WDR72: variants seen among roughly 807,000 people sequenced by gnomAD.
The protein encoded by WDR72 is WD repeat-containing protein 72.
A neutral mutation model predicts 124.2 loss-of-function variants in WDR72; 120 were observed. The observed-to-expected ratio is 0.97, with a 90% confidence interval of 0.83 to 1.12. WDR72 has a LOEUF of 1.12. Ranked by LOEUF, WDR72 falls within the 50% of genes most tolerant of loss-of-function variation. The pLI is 0.00. For synonymous variants in WDR72, 452 were observed against 441.7 expected (o/e 1.02, Z -0.29); for missense variants, 1,387 against 1,278.8 (o/e 1.08, Z -1.29).
chr15:53,657,352 A>G (rs2015466567), intron 14 of WDR72, among the ~76,000 whole-genome samples: 1 of 151,794 alleles, frequency 6.6e-6, no homozygotes, highest in Admixed American at 6.6e-5. Context: ...TTTTGGATGC[A>G]TAATATATGA....
At chr15:53,674,021 C>T (rs919863662) in intron 13 of WDR72, among the ~76,000 whole-genome samples, 9 of 152,008 alleles carry the variant, frequency 5.9e-5, no homozygotes, top group Non-Finnish European at 1.3e-4. Flanking sequence ...ATATTCATCA[C>T]TAATCACATA....
At chr15:53,661,754 A>C (rs1216961809) in intron 14 of WDR72, among the ~76,000 whole-genome samples, 1 of 152,068 alleles carries the variant, frequency 6.6e-6, no homozygotes, top group African/African-American at 2.4e-5. Flanking sequence ...ACATAACCAA[A>C]ATAGAATTTA....
intron 14 of WDR72, among the ~76,000 whole-genome samples, chr15:53,627,414 G>C (rs1295475024): frequency 1.3e-5 from 2 of 152,238 alleles, no homozygotes; most frequent in East Asian, 3.9e-4. Flanking sequence ...ATTAGACTTG[G>C]ACTGGTTATC....
intron 18 of WDR72, among the ~76,000 whole-genome samples, chr15:53,593,251 T>C (rs1484708345): frequency 1.3e-5 from 2 of 152,056 alleles, no homozygotes; most frequent in Non-Finnish European, 2.9e-5. Flanking sequence ...TCTAAGAAAA[T>C]CACTTAGCAA....
intron 18 of WDR72, among the ~76,000 whole-genome samples, chr15:53,550,383 G>T (rs541292448): frequency 6.6e-6 from 1 of 152,252 alleles, no homozygotes; most frequent in Admixed American, 6.5e-5. Flanking sequence ...CTTATGGTTT[G>T]CAGACCTCTC....
intron 19 of WDR72, among the ~76,000 whole-genome samples, chr15:53,520,096 C>T (rs1283494478): frequency 1.3e-5 from 2 of 149,556 alleles, no homozygotes; most frequent in Non-Finnish European, 3.0e-5. Context: ...TGCTTTCTGC[C>T]TATGAAAATA....
chr15:53,639,697 C>T (rs1019813752), intron 14 of WDR72, among the ~76,000 whole-genome samples: 1 of 151,882 alleles, frequency 6.6e-6, no homozygotes, highest in Admixed American at 6.6e-5. Flanking sequence ...GCCTTATGAT[C>T]TTTGTGATTG....
chr15:53,637,765 T>C (rs1328312016), intron 14 of WDR72, among the ~76,000 whole-genome samples: 1 of 152,178 alleles, frequency 6.6e-6, no homozygotes, highest in African/African-American at 2.4e-5. Context: ...CAGCCCCATA[T>C]TCTCTCTCCC....
intron 18 of WDR72, among the ~76,000 whole-genome samples, chr15:53,579,881 C>A (rs1371387159): frequency 6.6e-6 from 1 of 152,086 alleles, no homozygotes; most frequent in Non-Finnish European, 1.5e-5. Flanking sequence ...AGGGCTGGGG[C>A]CAACAGCTGG....
intron 1 of WDR72, among the ~76,000 whole-genome samples, chr15:53,749,801 G>A (rs2018731334): frequency 6.6e-6 from 1 of 152,148 alleles, no homozygotes; most frequent in Non-Finnish European, 1.5e-5. Context: ...AAGTTTTAAT[G>A]ATCAGGAAAG....
intron 3 of WDR72, among the ~76,000 whole-genome samples, chr15:53,719,975 T>A (rs1395080335): frequency 1.3e-5 from 2 of 152,142 alleles, no homozygotes; most frequent in Admixed American, 6.5e-5. Flanking sequence ...TTATTAACTA[T>A]ACATATATAA....
At chr15:53,571,840 C>T (rs2140306465) in intron 18 of WDR72, among the ~76,000 whole-genome samples, 1 of 151,796 alleles carries the variant, frequency 6.6e-6, no homozygotes, top group Non-Finnish European at 1.5e-5. Context: ...TTCTCACCAA[C>T]AGTGTGCAAG....
intron 13 of WDR72, among the ~76,000 whole-genome samples, chr15:53,691,620 C>CAGAT (rs71746507): frequency 1.2e-3 from 176 of 145,596 alleles, no homozygotes; most frequent in Admixed American, 2.2e-3. Context: ...GACAGACAGA[C>CAGAT]AGATAGATAG....
In WDR72 at chr15:53,523,309, C is replaced by G; in HGVS notation, c.3162G>C (p.Pro1054=). 6.2e-7 allele frequency: 1 copy of G among 1,611,878 alleles called. No homozygotes were observed. The highest frequency in any genetic ancestry group is 8.5e-7 in the Non-Finnish European group (1 of 1,179,186). Residue 1054 remains proline, a synonymous_variant, in exon 19 of 20, where the codon CCG becomes CCC. Coordinates refer to ENST00000360509, the MANE Select transcript of WDR72 (RefSeq NM_182758.4). The part of the protein sequence containing the change: ...NTLPLQTPVS[P]VKHDSNSNSA... ...AGTTTGAGTTGCTGTCATGCTTGACCGGGCTGACTGGAGCTATTAAAAGAG... is the reference window on the plus strand; with the variant it reads ...AGTTTGAGTTGCTGTCATGCTTGACGGGGCTGACTGGAGCTATTAAAAGAG...
At chr15:53,557,245 T>C (rs1893964139) in intron 18 of WDR72, among the ~76,000 whole-genome samples, 1 of 152,124 alleles carries the variant, frequency 6.6e-6, no homozygotes, top group South Asian at 2.1e-4. Flanking sequence ...AGGAAGTTCT[T>C]GCCTGTTTTC....
chr15:53,735,568 C>G (rs2018329296), intron 1 of WDR72, among the ~76,000 whole-genome samples: 1 of 152,076 alleles, frequency 6.6e-6, no homozygotes, highest in African/African-American at 2.4e-5. Context: ...TGTATACACA[C>G]AAATATTATG....
At chr15:53,541,334 C>T (rs994772287) in intron 18 of WDR72, among the ~76,000 whole-genome samples, 17 of 152,206 alleles carry the variant, frequency 1.1e-4, no homozygotes, top group South Asian at 1.0e-3. Context: ...GGTCCCTGAC[C>T]CCTGACCCCC....
chr15:53,613,156 T>C (rs2140363367), intron 16 of WDR72, among the ~76,000 whole-genome samples: 1 of 152,210 alleles, frequency 6.6e-6, no homozygotes, highest in South Asian at 2.1e-4. Flanking sequence ...CATTTGCCAT[T>C]TGGCATCAAG....
intron 18 of WDR72, among the ~76,000 whole-genome samples, chr15:53,544,565 G>C (rs925266800): frequency 1.3e-5 from 2 of 148,628 alleles, no homozygotes; most frequent in Admixed American, 1.3e-4. Context: ...ATACTGAATG[G>C]GCAAAAACTG....
Sources: gnomAD v4.1 joint callset for allele counts (sites outside exome capture counted in the v4.1 genomes callset) on GRCh38, gnomAD v4.1.1 for gene constraint, MANE v1.5 for transcripts, NCBI Gene and HGNC (gene_info 2026-07-23, HGNC 2026-07-21) for gene names.